Variants in PCDH11X observed in about 807,000 individuals in gnomAD.
PCDH11X encodes the protein protocadherin-11 X-linked.
PCDH11X carries 18 observed loss-of-function variants against 53.3 expected under a neutral mutation model. That is an observed-to-expected ratio of 0.34 (90% CI 0.23 to 0.50). The LOEUF is 0.50. PCDH11X is among the 20% of genes least tolerant of loss of function. The pLI, the probability that PCDH11X is intolerant of heterozygous loss-of-function variation, is 0.98. For synonymous variants in PCDH11X, 279 were observed against 393.3 expected, an observed-to-expected ratio of 0.71 and a Z score of 3.44; for missense variants, 570 against 1,032.4, an observed-to-expected ratio of 0.55 and a Z score of 6.14.
chrX:92,297,479 G>A (rs796155926), intron 8 of PCDH11X, among the ~76,000 whole-genome samples: 7 of 111,249 alleles, frequency 6.3e-5, no homozygotes, highest in South Asian at 3.8e-4. Context: ...TTATTTCTGG[G>A]CTTTCTAATC....
At chrX:92,328,807 G>A (rs1412098854) in intron 8 of PCDH11X, among the ~76,000 whole-genome samples, 1 of 109,407 alleles carries the variant, frequency 9.1e-6, no homozygotes, top group Non-Finnish European at 1.9e-5. Context: ...CTCTCAAAAA[G>A]AATACTCCAA....
chrX:91,923,848 A>C (rs1484672468), intron 6 of PCDH11X, among the ~76,000 whole-genome samples: 1 of 111,038 alleles, frequency 9.0e-6, no homozygotes, highest in African/African-American at 3.3e-5. Flanking sequence ...CATTAAGTAC[A>C]CATAGACATA....
At chrX:92,600,313 G>A (rs1207300279) in intron 10 of PCDH11X, among the ~76,000 whole-genome samples, 3 of 110,571 alleles carry the variant, frequency 2.7e-5, no homozygotes, top group Non-Finnish European at 5.7e-5. Flanking sequence ...GTCACAAGCT[G>A]GGGGTGTCTA....
chrX:92,601,516 AT>A (rs746751351), intron 10 of PCDH11X, among the ~76,000 whole-genome samples: 20,151 of 101,499 alleles, frequency 0.2, 1,960 homozygotes, highest in African/African-American at 0.27. Flanking sequence ...AAAAAAAAAA[AT>A]TAAACATAAA....
At chrX:92,600,765 A>G (rs1268478620) in intron 10 of PCDH11X, among the ~76,000 whole-genome samples, 1 of 105,581 alleles carries the variant, frequency 9.5e-6, no homozygotes, top group Non-Finnish European at 1.9e-5. Flanking sequence ...ATGCACCTGA[A>G]AAAGCCACAG....
At chrX:92,069,855 T>C (rs1480576692) in intron 6 of PCDH11X, among the ~76,000 whole-genome samples, 1 of 110,698 alleles carries the variant, frequency 9.0e-6, no homozygotes, top group Non-Finnish European at 1.9e-5. Flanking sequence ...CCAATTTTTG[T>C]ATTTTTAGTA....
rs762752434 is a variant in PCDH11X, at chrX:92,536,220, CGTA to C, written c.3367+67902_3367+67904del. 9.7e-4 allele frequency among the ~76,000 whole-genome samples: 108 copies of C among 111,317 alleles called. 3 individuals carry two copies. The East Asian group carries it at 0.028, about 29-fold the overall frequency. ...ACTTACGATTGCATTATCAAATTCT[CGTA>C]GTATGTTTTCCAGCTCTATCAGATT... On this transcript the variant is annotated intron_variant, in intron 10 of 10. Coordinates refer to ENST00000682573, the MANE Select transcript of PCDH11X (RefSeq NM_032968.5).
In PCDH11X at chrX:92,620,533, G is replaced by A. The variant is rs1219512132; in HGVS notation, c.*1593G>A. 1 of 110,251 alleles carries A rather than the reference G, an allele frequency of 9.1e-6. No homozygotes were observed. The highest frequency in any genetic ancestry group is 3.3e-5 in the African/African-American group (1 of 30,256). 9.1% of individuals were successfully genotyped at this position (110,251 alleles called of 1,213,427 possible). A position where few individuals can be genotyped will look rare whatever the true frequency, so the allele number is the denominator to read the frequency against. The stretch of plus-strand genomic sequence containing the variant: ...ATTGATTAACTTAGACATAGATTTT[G>A]TAATGTATAACTTGATATTTAATTT... On this transcript the variant is annotated 3_prime_UTR_variant, in exon 11 of 11. Transcript: ENST00000682573.
intron 6 of PCDH11X, among the ~76,000 whole-genome samples, chrX:92,039,039 A>G (rs1321514287): frequency 4.5e-5 from 5 of 111,643 alleles, no homozygotes; most frequent in Non-Finnish European, 9.4e-5. Context: ...AGAGACTTGA[A>G]CCCCAAGCCC....
At chrX:92,242,755 T>A (rs2067283153) in intron 7 of PCDH11X, among the ~76,000 whole-genome samples, 2 of 111,204 alleles carry the variant, frequency 1.8e-5, no homozygotes, top group African/African-American at 6.5e-5. Context: ...CTCTGCAACC[T>A]CTCCAGCATT....
intron 6 of PCDH11X, among the ~76,000 whole-genome samples, chrX:91,946,932 T>C (rs1488430551): frequency 1.9e-5 from 2 of 106,979 alleles, no homozygotes; most frequent in Admixed American, 2.1e-4. Flanking sequence ...CCTGGTTACA[T>C]GCTTCAATTC....
intron 6 of PCDH11X, among the ~76,000 whole-genome samples, chrX:92,076,390 T>A (rs2063773530): frequency 1.1e-5 from 1 of 91,653 alleles, no homozygotes; most frequent in South Asian, 4.0e-4. Flanking sequence ...GGCCAATGTT[T>A]ATCACCCAGA....
chrX:91,787,300 G>A (rs1174117587), intron 1 of PCDH11X, among the ~76,000 whole-genome samples: 2 of 110,434 alleles, frequency 1.8e-5, no homozygotes, highest in Non-Finnish European at 3.8e-5. Flanking sequence ...TTCCTGACAC[G>A]ACATTTTGGA....
intron 5 of PCDH11X, among the ~76,000 whole-genome samples, chrX:91,837,942 A>G (rs1238132023): frequency 9.0e-6 from 1 of 111,695 alleles, no homozygotes; most frequent in Non-Finnish European, 1.9e-5. Flanking sequence ...TGGCTATCAT[A>G]CTGCACAGCA....
intron 7 of PCDH11X, among the ~76,000 whole-genome samples, chrX:92,251,554 GGTAA>G (rs1322417517): frequency 9.0e-6 from 1 of 111,139 alleles, no homozygotes; most frequent in Non-Finnish European, 1.9e-5. Context: ...AGAGCAACTA[GGTAA>G]GTTTCTTAAT....
At chrX:92,313,814 A>T (rs1330584204) in intron 8 of PCDH11X, among the ~76,000 whole-genome samples, 1 of 111,716 alleles carries the variant, frequency 9.0e-6, no homozygotes, top group Non-Finnish European at 1.9e-5. Flanking sequence ...AAGTATTTAT[A>T]TATCTAAGCC....
At chrX:92,448,080 A>T (rs746652691) in intron 9 of PCDH11X, among the ~76,000 whole-genome samples, 140 of 100,759 alleles carry the variant, frequency 1.4e-3, no homozygotes, top group African/African-American at 4.7e-3. Context: ...TGTATCTAGG[A>T]AGTAACTAAT....
chrX:92,153,306 C>T (rs764788104), intron 6 of PCDH11X, among the ~76,000 whole-genome samples: 1 of 103,952 alleles, frequency 9.6e-6, no homozygotes, highest in Non-Finnish European at 1.9e-5. Flanking sequence ...GATTGCAATG[C>T]CATCTTATAT....
intron 8 of PCDH11X, among the ~76,000 whole-genome samples, chrX:92,370,453 C>CT (rs201825463): frequency 0.43 from 38,679 of 90,801 alleles, 6,615 homozygotes; most frequent in Non-Finnish European, 0.49. Context: ...GCCATATGTT[C>CT]TTTTTTCTTT....
Sources: allele counts gnomAD v4.1 joint callset (sites outside exome capture counted in the v4.1 genomes callset), GRCh38; gene constraint gnomAD v4.1.1; transcripts MANE v1.5; gene names NCBI Gene and HGNC (gene_info 2026-07-23, HGNC 2026-07-21).